Variants in SCN8A observed in about 807,000 individuals in gnomAD.
The protein encoded by SCN8A is sodium voltage-gated channel alpha subunit 8, also known as sodium channel protein type 8 subunit alpha.
Under a neutral mutation model 184.1 loss-of-function variants are expected in SCN8A, and 30 were observed. The ratio of observed to expected loss-of-function variants is 0.16; its 90% CI spans 0.12 to 0.22. The LOEUF is 0.22. Among genes scored for constraint, SCN8A ranks in the 10% least tolerant of loss-of-function variants. The pLI is 1.00. For synonymous variants in SCN8A, 852 were observed against 907.0 expected (o/e 0.94, Z 1.09); for missense variants, 1,057 against 2,498.9 (o/e 0.42, Z 12.30).
chr12:51,660,243 A>T (rs1940901028), intron 1 of SCN8A, among the ~76,000 whole-genome samples: 1 of 152,208 alleles, frequency 6.6e-6, no homozygotes, highest in African/African-American at 2.4e-5. Flanking sequence ...GAGCAGGGGT[A>T]ATCGAGAGGA....
Position 51,750,183 on chromosome 12 carries a change from A to AGG in SCN8A, c.2132-1169_2132-1168dup, listed in dbSNP as rs1942574678. On this transcript the variant is annotated intron_variant, in intron 13 of 26. Transcript: ENST00000627620. ...GTGTGTATCAGAGTCCTGGGATTCT[A>AGG]GGGGAGTGCCTCAGGAGAGGAAGAA... Among the ~76,000 whole-genome samples the AGG allele has an allele frequency of 2.0e-5, 3 of 152,276 alleles. No homozygotes were observed. The South Asian group carries it at 6.2e-4, about 32-fold the overall frequency.
At chr12:51,678,493 A>G (rs1217705414) in intron 2 of SCN8A, among the ~76,000 whole-genome samples, 1 of 152,218 alleles carries the variant, frequency 6.6e-6, no homozygotes, top group Non-Finnish European at 1.5e-5. Flanking sequence ...TGAATTTTCT[A>G]AATCGTAGAA....
chr12:51,701,010 G>T (rs766763708), intron 7 of SCN8A, 134 bp from the exon 8 acceptor site: 1 of 530,980 alleles, frequency 1.9e-6, no homozygotes, highest in Non-Finnish European at 3.4e-6. Flanking sequence ...CTTATCAGCT[G>T]TCACAGCTGT....
intron 1 of SCN8A, among the ~76,000 whole-genome samples, chr12:51,632,633 C>A (rs1449618482): frequency 2.6e-5 from 4 of 152,136 alleles, no homozygotes; most frequent in Admixed American, 2.6e-4. Flanking sequence ...AGTGGTATCT[C>A]TAAATTTGCT....
At chr12:51,702,061 C>T (rs536601612) in intron 8 of SCN8A, among the ~76,000 whole-genome samples, 91 of 152,114 alleles carry the variant, frequency 6.0e-4, no homozygotes, top group African/African-American at 2.1e-3. Context: ...CGGTGGCTCA[C>T]GCTTGTAATC....
chr12:51,675,829 C>T (rs1011039205), intron 2 of SCN8A, among the ~76,000 whole-genome samples: 3 of 152,294 alleles, frequency 2.0e-5, no homozygotes, highest in Non-Finnish European at 2.9e-5. Context: ...GGGCAAGTTA[C>T]TTAACCTCCT....
chr12:51,762,483 C>T lies in SCN8A; in HGVS notation c.2371-20C>T, dbSNP rs183589965. ...CTTTCTACTATTTATTTTTCTTACC[C>T]CCTGCATCCCCCTATTTAGGTTTTC... is the stretch of plus-strand genomic sequence containing the variant. On this transcript the variant is annotated intron_variant, in intron 14 of 26. Transcript: ENST00000627620. The T allele has an allele frequency of 2.5e-6, 4 of 1,608,450 alleles. No individual in the cohort carries two copies. Among genetic ancestry groups the T allele is most frequent in the African/African-American group, 2.7e-5 (2 of 74,708 alleles).
In SCN8A at chr12:51,788,287, C is replaced by CTTTTTTTT. The variant is rs66672221; in HGVS notation, c.4228-394_4228-387dup. On this transcript the variant is annotated intron_variant, in intron 22 of 26. Coordinates refer to ENST00000627620, the MANE Select transcript of SCN8A (RefSeq NM_001330260.2). The stretch of plus-strand genomic sequence containing the variant: ...TTTTCCAACCCCCATCGCTTAACAC[C>CTTTTTTTT]TTTTTTTTTTTTTTTTTTTTTGCTT... 4.1e-3 allele frequency among the ~76,000 whole-genome samples: 345 copies of CTTTTTTTT among 83,978 alleles called. 4 individuals are homozygous for CTTTTTTTT. Among genetic ancestry groups the CTTTTTTTT allele is most frequent in the Middle Eastern group, 0.032 (4 of 124 alleles). The allele number at this position is 83,978 out of a possible 152,430, so 55.1% of individuals were successfully genotyped here.
At chr12:51,624,923 G>A (rs1010390036) in intron 1 of SCN8A, among the ~76,000 whole-genome samples, 9 of 151,702 alleles carry the variant, frequency 5.9e-5, no homozygotes, top group Non-Finnish European at 1.2e-4. Context: ...ATATAGGCCA[G>A]CTTTTTTTTT....
chr12:51,721,433 A>G, intron 11 of SCN8A, 113 bp from the exon 12 acceptor site: 2 of 1,100,594 alleles, frequency 1.8e-6, no homozygotes, highest in Non-Finnish European at 2.6e-6. Context: ...TGTTCTGATC[A>G]CAGGAGTGCG....
Position 51,721,619 on chromosome 12 carries a change from G to C in SCN8A, c.1709G>C (p.Gly570Ala). 1.9e-6 allele frequency: 3 copies of C among 1,613,138 alleles called. No individual in the cohort carries two copies. The highest frequency in any genetic ancestry group is 2.5e-6 in the Non-Finnish European group (3 of 1,179,578). ...AAGAGCAGCATCTTCAGTTTCAGGGGACCTGGGCGGTTCCGAGACCCGGGC... is the reference window on the plus strand; with the variant it reads ...AAGAGCAGCATCTTCAGTTTCAGGGCACCTGGGCGGTTCCGAGACCCGGGC... ...NSKSSIFSFR[G>A]PGRFRDPGSE... is the part of the protein sequence containing the mutation. Residue 570 changes from glycine to alanine, a missense_variant, in exon 12 of 27, where the codon GGA becomes GCA. Physicochemically the swap from Gly to Ala is moderately conservative, Grantham distance 60. Transcript: ENST00000627620.
chr12:51,719,937 GT>G (rs1295840718), intron 11 of SCN8A, among the ~76,000 whole-genome samples: 1 of 151,798 alleles, frequency 6.6e-6, no homozygotes, highest in East Asian at 1.9e-4. Context: ...TTAGCCGGGC[GT>G]GGTAGCGGGC....
chr12:51,697,601 C>T (rs1161535643), intron 6 of SCN8A, among the ~76,000 whole-genome samples: 1 of 152,156 alleles, frequency 6.6e-6, no homozygotes, highest in Non-Finnish European at 1.5e-5. Flanking sequence ...CCAATCATGT[C>T]CCTTTGAGGA....
chr12:51,724,517 A>T, intron 12 of SCN8A, among the ~76,000 whole-genome samples: 1 of 152,258 alleles, frequency 6.6e-6, no homozygotes, highest in Non-Finnish European at 1.5e-5. Context: ...AATAAATGTT[A>T]TAGATACTTA....
chr12:51,780,599 T>TTTTTC, intron 20 of SCN8A, 50 bp from the exon 21 acceptor site: 1 of 410,026 alleles, frequency 2.4e-6, no homozygotes. Context: ...TTTTTTTTTT[T>TTTTTC]TTTTTGGTTA....
intron 1 of SCN8A, among the ~76,000 whole-genome samples, chr12:51,604,618 C>T (rs1939544333): frequency 6.6e-6 from 1 of 152,148 alleles, no homozygotes; most frequent in Admixed American, 6.5e-5. Flanking sequence ...CAACCTCCGC[C>T]TCCCCTTCAA....
chr12:51,753,577 G>A (rs1048185621), intron 14 of SCN8A, among the ~76,000 whole-genome samples: 4 of 152,282 alleles, frequency 2.6e-5, no homozygotes, highest in East Asian at 3.9e-4. Context: ...CAATCAACAC[G>A]AGCGCTGAGA....
At chr12:51,680,476 A>G (rs992241299) in intron 2 of SCN8A, among the ~76,000 whole-genome samples, 1 of 152,120 alleles carries the variant, frequency 6.6e-6, no homozygotes, top group African/African-American at 2.4e-5. Flanking sequence ...AACAGTTTCC[A>G]TTTCCTAATG....
intron 2 of SCN8A, among the ~76,000 whole-genome samples, chr12:51,663,897 T>G (rs1183213908): frequency 7.1e-6 from 1 of 141,766 alleles, no homozygotes. Flanking sequence ...ACCCCTCATT[T>G]GACAGATTTT....
Sources: gnomAD v4.1 joint callset for allele counts (sites outside exome capture counted in the v4.1 genomes callset) on GRCh38, gnomAD v4.1.1 for gene constraint, MANE v1.5 for transcripts, NCBI Gene and HGNC (gene_info 2026-07-23, HGNC 2026-07-21) for gene names.